FILIP1L: variants seen among roughly 807,000 people sequenced by gnomAD.
The protein encoded by FILIP1L is filamin A-interacting protein 1-like.
In FILIP1L, 55 loss-of-function variants were observed where a neutral mutation model predicts 96.6. The ratio of observed to expected loss-of-function variants is 0.57; its 90% CI spans 0.46 to 0.71. The LOEUF (loss-of-function observed/expected upper bound fraction) is 0.71. Ranked by LOEUF, FILIP1L falls within the 30% of genes least tolerant of loss-of-function variation. The pLI is 0.00. For synonymous variants in FILIP1L, 467 were observed against 473.9 expected (o/e 0.99, Z 0.19); for missense variants, 1,304 against 1,321.2 (o/e 0.99, Z 0.20).
chr3:100,045,113 AG>A (rs2065258692), intron 1 of FILIP1L, among the ~76,000 whole-genome samples: 1 of 152,240 alleles, frequency 6.6e-6, no homozygotes, highest in Non-Finnish European at 1.5e-5. Context: ...GGCGCTCACA[AG>A]AGATGTAGGC....
intron 1 of FILIP1L, among the ~76,000 whole-genome samples, chr3:100,073,912 T>C (rs1397295684): frequency 6.6e-6 from 1 of 152,198 alleles, no homozygotes; most frequent in Non-Finnish European, 1.5e-5. Context: ...GATTGCCCAC[T>C]GAAGTTTTCA....
At chr3:100,077,786 T>C (rs1438928716) in intron 1 of FILIP1L, among the ~76,000 whole-genome samples, 5 of 152,098 alleles carry the variant, frequency 3.3e-5, no homozygotes, top group Admixed American at 1.3e-4. Flanking sequence ...TGTGCATGTC[T>C]GTGGTCCCGC....
intron 1 of FILIP1L, among the ~76,000 whole-genome samples, chr3:100,110,418 T>TC (rs1181866284): frequency 6.6e-6 from 1 of 152,030 alleles, no homozygotes; most frequent in Non-Finnish European, 1.5e-5. Context: ...TTTGCTATCC[T>TC]CCCCTGCATT....
At chr3:100,011,292 C>T (rs532219348) in intron 1 of FILIP1L, among the ~76,000 whole-genome samples, 31 of 152,280 alleles carry the variant, frequency 2.0e-4, no homozygotes, top group African/African-American at 7.2e-4. Context: ...GAACTCGACA[C>T]GTGTTGATCT....
rs11371196 is a variant in FILIP1L, at chr3:100,010,778, A to ATTT, written c.-10-79751_-10-79749dup. On this transcript the variant is annotated intron_variant, in intron 1 of 5. Coordinates refer to ENST00000477258, the MANE Select transcript of FILIP1L (RefSeq NM_001387850.1). The stretch of plus-strand genomic sequence containing the variant: ...TACAGGTGCGCGCCTCCACGCCCGG[A>ATTT]TTTTTTTTTTTTTTTTTTTTTGTAT... Among the ~76,000 whole-genome samples the ATTT allele has an allele frequency of 3.2e-3, 299 of 93,648 alleles. 7 individuals are homozygous for ATTT. The highest frequency in any genetic ancestry group is 0.01 in the African/African-American group (228 of 22,682). 61.4% of individuals were successfully genotyped at this position (93,648 alleles called of 152,430 possible).
chr3:99,955,330 C>A (rs1236647307), intron 1 of FILIP1L, among the ~76,000 whole-genome samples: 1 of 152,070 alleles, frequency 6.6e-6, no homozygotes, highest in Admixed American at 6.5e-5. Context: ...AAACAGAGAC[C>A]TACGGAATAT....
intron 4 of FILIP1L, among the ~76,000 whole-genome samples, chr3:99,864,776 G>A (rs1005992426): frequency 5.3e-5 from 8 of 151,838 alleles, no homozygotes; most frequent in African/African-American, 1.5e-4. Context: ...TTTTGTGCTC[G>A]CTGTCTCCCC....
chr3:100,024,811 G>T (rs2064888639), intron 1 of FILIP1L, among the ~76,000 whole-genome samples: 1 of 152,114 alleles, frequency 6.6e-6, no homozygotes, highest in Non-Finnish European at 1.5e-5. Flanking sequence ...TCATTTTATG[G>T]AGGGGGTCCA....
chr3:100,062,104 T>A (rs2065579474), intron 1 of FILIP1L, among the ~76,000 whole-genome samples: 1 of 62,620 alleles, frequency 1.6e-5, no homozygotes. Flanking sequence ...TTTTTTTTTT[T>A]TTTTTTTTTT....
At chr3:99,936,188 T>G (rs1019639507) in intron 1 of FILIP1L, among the ~76,000 whole-genome samples, 3 of 152,028 alleles carry the variant, frequency 2.0e-5, no homozygotes, top group Non-Finnish European at 2.9e-5. Flanking sequence ...TCATTTTTGG[T>G]CTTGGTCATT....
At chr3:100,102,088 C>T (rs970784465) in intron 1 of FILIP1L, among the ~76,000 whole-genome samples, 1 of 152,182 alleles carries the variant, frequency 6.6e-6, no homozygotes, top group African/African-American at 2.4e-5. Context: ...CATACGTGTG[C>T]ATGTGTCTTT....
At chr3:100,089,548 G>T (rs1336240803) in intron 1 of FILIP1L, among the ~76,000 whole-genome samples, 2 of 152,160 alleles carry the variant, frequency 1.3e-5, no homozygotes, top group Non-Finnish European at 2.9e-5. Context: ...AAGCAAAAAG[G>T]ATAGGAAGCA....
At chr3:100,077,286 A>G (rs2065864912) in intron 1 of FILIP1L, among the ~76,000 whole-genome samples, 1 of 152,242 alleles carries the variant, frequency 6.6e-6, no homozygotes, top group Admixed American at 6.5e-5. Flanking sequence ...TCAGTGATGC[A>G]TGGTGTTCTT....
At chr3:99,908,254 A>G (rs974701113) in intron 4 of FILIP1L, among the ~76,000 whole-genome samples, 4 of 152,228 alleles carry the variant, frequency 2.6e-5, no homozygotes, top group East Asian at 1.9e-4. Context: ...AGACCTTTCT[A>G]TTATAAAGTG....
At chr3:100,046,929 G>A (rs1408163417) in intron 1 of FILIP1L, among the ~76,000 whole-genome samples, 1 of 152,132 alleles carries the variant, frequency 6.6e-6, no homozygotes, top group Non-Finnish European at 1.5e-5. Context: ...TGAGTAATTA[G>A]GTAGAGGGAA....
intron 1 of FILIP1L, among the ~76,000 whole-genome samples, chr3:99,983,480 A>ATATG: frequency 4.4e-5 from 1 of 22,512 alleles, no homozygotes; most frequent in African/African-American, 1.3e-4. Context: ...ATATATATAT[A>ATATG]TATATATATA....
chr3:99,976,113 G>A (rs1459446729), intron 1 of FILIP1L, among the ~76,000 whole-genome samples: 2 of 152,058 alleles, frequency 1.3e-5, no homozygotes, highest in Non-Finnish European at 2.9e-5. Context: ...TCGAACTTTT[G>A]ACCTCAGGTG....
At chr3:100,095,693 T>C (rs923151087) in intron 1 of FILIP1L, among the ~76,000 whole-genome samples, 1 of 152,252 alleles carries the variant, frequency 6.6e-6, no homozygotes, top group Middle Eastern at 3.4e-3. Flanking sequence ...GGAGAAACTT[T>C]TCAAGACATT....
At chr3:99,942,265 A>G (rs1013442820) in intron 1 of FILIP1L, among the ~76,000 whole-genome samples, 2 of 152,058 alleles carry the variant, frequency 1.3e-5, no homozygotes, top group Admixed American at 6.6e-5. Flanking sequence ...TGTTTATGTG[A>G]AGAATGTGCT....
Sources: allele counts gnomAD v4.1 joint callset (sites outside exome capture counted in the v4.1 genomes callset), GRCh38; gene constraint gnomAD v4.1.1; transcripts MANE v1.5; gene names NCBI Gene and HGNC (gene_info 2026-07-23, HGNC 2026-07-21).